SYNDIG1: variants seen among roughly 807,000 people sequenced by gnomAD.
The protein encoded by SYNDIG1 is synapse differentiation-inducing gene protein 1.
SYNDIG1 carries 9 observed loss-of-function variants against 19.4 expected under a neutral mutation model. The ratio of observed to expected loss-of-function variants is 0.46; its 90% CI spans 0.28 to 0.81. The LOEUF is 0.81. Among genes scored for constraint, SYNDIG1 ranks in the 30% least tolerant of loss-of-function variants. The pLI is 0.12. For synonymous variants in SYNDIG1, 141 were observed against 145.9 expected, an observed-to-expected ratio of 0.97 and a Z score of 0.24; for missense variants, 311 against 343.3, an observed-to-expected ratio of 0.91 and a Z score of 0.74.
chr20:24,483,629 C>T (rs535902916), intron 1 of SYNDIG1, among the ~76,000 whole-genome samples: 1 of 152,384 alleles, frequency 6.6e-6, no homozygotes, highest in African/African-American at 2.4e-5. Flanking sequence ...CTCCTCTGAG[C>T]ACGCGTGTGC....
rs140221046 is a variant in SYNDIG1, at chr20:24,480,019, A to G, written c.-79+10266A>G. Among the ~76,000 whole-genome samples the G allele has an allele frequency of 3.2e-3, 485 of 152,284 alleles. 1 individual carries two copies. The highest frequency in any genetic ancestry group is 0.011 in the African/African-American group (461 of 41,560). ...GTCCCACACGTGCACGCGCGCACGC[A>G]CACACATTACATAGTCCCACACCTC... On this transcript the variant is annotated intron_variant, in intron 1 of 3. Transcript: ENST00000376862.
intron 3 of SYNDIG1, among the ~76,000 whole-genome samples, chr20:24,611,207 GCTCCT>G (rs1307556990): frequency 6.6e-6 from 1 of 152,030 alleles, no homozygotes; most frequent in Non-Finnish European, 1.5e-5. Flanking sequence ...CTCTATGAAG[GCTCCT>G]GGCCTCTCCA....
intron 3 of SYNDIG1, among the ~76,000 whole-genome samples, chr20:24,625,853 T>C (rs2071544555): frequency 1.3e-5 from 2 of 152,294 alleles, no homozygotes; most frequent in African/African-American, 4.8e-5. Context: ...ATTGTCATCA[T>C]GGCCTGTTCT....
intron 1 of SYNDIG1, among the ~76,000 whole-genome samples, chr20:24,478,525 C>T (rs1484340669): frequency 6.6e-6 from 1 of 152,218 alleles, no homozygotes; most frequent in Non-Finnish European, 1.5e-5. Flanking sequence ...CTCTAAAGTG[C>T]ATTTTTTCTC....
chr20:24,486,584 G>A (rs2055964307), intron 1 of SYNDIG1, among the ~76,000 whole-genome samples: 1 of 152,046 alleles, frequency 6.6e-6, no homozygotes, highest in African/African-American at 2.4e-5. Context: ...GCGAGCTCTG[G>A]TCCAGTGGGT....
chr20:24,513,654 G>A (rs965018865), intron 1 of SYNDIG1, among the ~76,000 whole-genome samples: 1 of 152,208 alleles, frequency 6.6e-6, no homozygotes, highest in Non-Finnish European at 1.5e-5. Context: ...TCTTATTGGT[G>A]TACCTGAAAG....
At chr20:24,514,586 A>G (rs143275303) in intron 1 of SYNDIG1, among the ~76,000 whole-genome samples, 9,296 of 152,330 alleles carry the variant, frequency 0.061, 388 homozygotes, top group East Asian at 0.12. Context: ...TATCTTAAAT[A>G]TATATGCACC....
At chr20:24,585,034 TCAC>T in intron 3 of SYNDIG1, 41 bp downstream of exon 3, 1 of 716,694 alleles carries the variant, frequency 1.4e-6, no homozygotes, top group Non-Finnish European at 2.1e-6. Context: ...GTGCAGGTGT[TCAC>T]AGGGTGGGGG....
At chr20:24,589,286 T>C (rs1328837065) in intron 3 of SYNDIG1, among the ~76,000 whole-genome samples, 1 of 152,100 alleles carries the variant, frequency 6.6e-6, no homozygotes, top group Admixed American at 6.5e-5. Flanking sequence ...AAAACTGAAG[T>C]TTCAAGGGAT....
At chr20:24,500,484 TTCTTTCTTTCTTTC>T (rs2056416706) in intron 1 of SYNDIG1, among the ~76,000 whole-genome samples, 1 of 47,960 alleles carries the variant, frequency 2.1e-5, no homozygotes, top group Admixed American at 2.9e-4. Context: ...TTTTCTTTCT[TTCTTTCTTTCTTTC>T]TTTCTTTCTT....
chr20:24,469,971 C>G (rs1406250145), intron 1 of SYNDIG1, among the ~76,000 whole-genome samples: 2 of 152,000 alleles, frequency 1.3e-5, no homozygotes, highest in South Asian at 2.1e-4. Context: ...GACACGGGGT[C>G]GCAGGGCGGG....
At chr20:24,646,730 T>C (rs1255972159) in intron 3 of SYNDIG1, among the ~76,000 whole-genome samples, 1 of 152,050 alleles carries the variant, frequency 6.6e-6, no homozygotes, top group Non-Finnish European at 1.5e-5. Context: ...CAAGTGATTC[T>C]CCTGCCTCAG....
chr20:24,592,223 C>A (rs1054405906), intron 3 of SYNDIG1, among the ~76,000 whole-genome samples: 3 of 152,282 alleles, frequency 2.0e-5, no homozygotes, highest in South Asian at 4.2e-4. Context: ...GTGGAGGGAA[C>A]AATTTTGGGA....
chr20:24,563,578 T>G (rs577255260), intron 2 of SYNDIG1, among the ~76,000 whole-genome samples: 8 of 152,180 alleles, frequency 5.3e-5, no homozygotes, highest in Non-Finnish European at 1.0e-4. Context: ...GGGTTAAATT[T>G]CTTTCCTGTT....
chr20:24,560,029 CTTT>C (rs56884793), intron 2 of SYNDIG1, among the ~76,000 whole-genome samples: 4 of 88,854 alleles, frequency 4.5e-5, no homozygotes, highest in Admixed American at 1.5e-4. Flanking sequence ...ATTTCTTTGA[CTTT>C]TTTTTTTTTT....
At chr20:24,557,903 C>T (rs918518312) in intron 2 of SYNDIG1, among the ~76,000 whole-genome samples, 3 of 152,220 alleles carry the variant, frequency 2.0e-5, no homozygotes, top group Non-Finnish European at 4.4e-5. Flanking sequence ...TAGACCGGAG[C>T]TGTTCCTATT....
At chr20:24,537,209 T>C (rs904178064) in intron 1 of SYNDIG1, among the ~76,000 whole-genome samples, 26 of 152,270 alleles carry the variant, frequency 1.7e-4, no homozygotes, top group Admixed American at 1.7e-3. Flanking sequence ...ACATCTCCCC[T>C]GCACAGCTTA....
rs572973992 is a variant in SYNDIG1, at chr20:24,490,611, A to G, written c.-79+20858A>G. 9.2e-4 allele frequency among the ~76,000 whole-genome samples: 140 copies of G among 152,222 alleles called. 2 individuals carry two copies. The highest frequency in any genetic ancestry group is 7.7e-4 in the East Asian group (4 of 5,178). On this transcript the variant is annotated intron_variant, in intron 1 of 3. Transcript: ENST00000376862. ...AAGCGAGCACGCCAGTTACCCCTCCATGGTGTCGTCGGGGCAATTACCTGG... is the reference window on the plus strand; with the variant it reads ...AAGCGAGCACGCCAGTTACCCCTCCGTGGTGTCGTCGGGGCAATTACCTGG...
intron 1 of SYNDIG1, among the ~76,000 whole-genome samples, chr20:24,472,999 A>T (rs1453305118): frequency 6.6e-6 from 1 of 152,066 alleles, no homozygotes; most frequent in Non-Finnish European, 1.5e-5. Context: ...CTCCAGCTTG[A>T]CCCTGTGCCC....
Sources: allele counts gnomAD v4.1 joint callset (sites outside exome capture counted in the v4.1 genomes callset), GRCh38; gene constraint gnomAD v4.1.1; transcripts MANE v1.5; gene names NCBI Gene and HGNC (gene_info 2026-07-23, HGNC 2026-07-21).